The following TYW1 variants were observed in gnomAD, a reference collection of about 807,000 sequenced individuals.
TYW1 encodes the protein S-adenosyl-L-methionine-dependent tRNA 4-demethylwyosine synthase TYW1.
A neutral mutation model predicts 96.2 loss-of-function variants in TYW1; 46 were observed. The ratio of observed to expected loss-of-function variants is 0.48; its 90% CI spans 0.38 to 0.61. The LOEUF (loss-of-function observed/expected upper bound fraction) is 0.61. Among genes scored for constraint, TYW1 ranks in the 20% least tolerant of loss-of-function variants. The probability of loss-of-function intolerance (pLI) is 0.00; values close to 1 mark genes in which losing one functional copy is unlikely to be tolerated. For synonymous variants in TYW1, 274 were observed against 323.0 expected (o/e 0.85, Z 1.63); for missense variants, 684 against 909.6 (o/e 0.75, Z 3.19).
chr7:67,219,377 G>A (rs1801307616), intron 15 of TYW1, among the ~76,000 whole-genome samples: 1 of 152,038 alleles, frequency 6.6e-6, no homozygotes, highest in Admixed American at 6.6e-5. Context: ...TCTGGCTTTG[G>A]TATCAGGATA....
rs557914350 is a variant in TYW1 at position 67,076,745 on chromosome 7, G to C, written c.1275-6685G>C. On this transcript the variant is annotated intron_variant, in intron 10 of 15. Coordinates refer to ENST00000359626, the MANE Select transcript of TYW1 (RefSeq NM_018264.4). ...CCTCCCTTGGCCTTCCAAAGTGCTG[G>C]GATTACAGGCTTGAGCCACTGCACT... Among the ~76,000 whole-genome samples the C allele has an allele frequency of 4.7e-3, 707 of 150,692 alleles. 5 individuals are homozygous for C. The highest frequency in any genetic ancestry group is 8.4e-3 in the Non-Finnish European group (572 of 67,852).
intron 3 of TYW1, among the ~76,000 whole-genome samples, chr7:67,006,710 G>A (rs1485921469): frequency 1.3e-5 from 2 of 151,978 alleles, no homozygotes; most frequent in East Asian, 3.9e-4. Context: ...AAAGAGCTGG[G>A]ATTACAGGCA....
chr7:67,089,184 C>T (rs1267649503), intron 11 of TYW1: 5 of 680,280 alleles, frequency 7.3e-6, no homozygotes, highest in East Asian at 3.4e-5. Context: ...ACCCCTCCCT[C>T]GCCACCCCTT....
intron 13 of TYW1, among the ~76,000 whole-genome samples, chr7:67,182,133 GC>G (rs761350673): frequency 6.6e-6 from 1 of 152,154 alleles, no homozygotes; most frequent in Non-Finnish European, 1.5e-5. Flanking sequence ...CCGGCCTTAA[GC>G]CATTATTAAT....
intron 15 of TYW1, among the ~76,000 whole-genome samples, chr7:67,227,804 C>T (rs1402796296): frequency 6.6e-6 from 1 of 152,148 alleles, no homozygotes; most frequent in Non-Finnish European, 1.5e-5. Context: ...TGTCTATAAC[C>T]CCTCTGCGAT....
Position 67,198,270 on chromosome 7 carries a change from G to A in TYW1, c.1977+2933G>A, listed in dbSNP as rs910284764. Among the ~76,000 whole-genome samples the A allele has an allele frequency of 3.7e-4, 56 of 152,256 alleles. 1 individual carries two copies. Among genetic ancestry groups the A allele is most frequent in the African/African-American group, 1.3e-3 (56 of 41,550 alleles). ...TTGTTTATAAAGAAAATGTAGGCCCGGTGTGGTGGCTCATGCCTGTAATCC... is the reference window on the plus strand; with the variant it reads ...TTGTTTATAAAGAAAATGTAGGCCCAGTGTGGTGGCTCATGCCTGTAATCC... On this transcript the variant is annotated intron_variant, in intron 15 of 15. Transcript: ENST00000359626.
chr7:67,106,463 G>A (rs1156320587), intron 12 of TYW1, among the ~76,000 whole-genome samples: 2 of 152,078 alleles, frequency 1.3e-5, no homozygotes, highest in African/African-American at 2.4e-5. Flanking sequence ...TAATGCTGAC[G>A]ACACCTTGTA....
intron 12 of TYW1, among the ~76,000 whole-genome samples, chr7:67,103,654 G>C (rs1797157384): frequency 6.6e-6 from 1 of 152,174 alleles, no homozygotes; most frequent in South Asian, 2.1e-4. Flanking sequence ...TCTGTGAATA[G>C]GAGGAATCAA....
In TYW1 at chr7:67,054,888, A is replaced by T. The variant is rs1004184919; in HGVS notation, c.1103-947A>T. Among the ~76,000 whole-genome samples, 8 of 152,304 alleles carry T rather than the reference A, an allele frequency of 5.3e-5. No homozygotes were observed. The East Asian group carries it at 9.6e-4, about 18-fold the overall frequency. On this transcript the variant is annotated intron_variant, in intron 8 of 15. Transcript: ENST00000359626. ...GCTTTTTCCATGCTTTTCATGTCCT[A>T]TGTAGCTCAAAAATTTGAAATGACA...
At chr7:67,234,328 C>CAT (rs1801820264) in intron 15 of TYW1, among the ~76,000 whole-genome samples, 1 of 115,276 alleles carries the variant, frequency 8.7e-6, no homozygotes, top group African/African-American at 3.7e-5. Context: ...GCCTGGGTGA[C>CAT]AGAGTGAGAA....
chr7:67,213,613 AGG>A (rs1801113543), intron 15 of TYW1, among the ~76,000 whole-genome samples: 2 of 152,286 alleles, frequency 1.3e-5, no homozygotes, highest in South Asian at 4.1e-4. Context: ...GTGACATTCA[AGG>A]TCACCTAGAT....
intron 3 of TYW1, among the ~76,000 whole-genome samples, chr7:67,001,717 G>A (rs1174902856): frequency 6.6e-6 from 1 of 150,624 alleles, no homozygotes; most frequent in Non-Finnish European, 1.5e-5. Flanking sequence ...ACCGCGCCCA[G>A]CCTTTATTTT....
At position 67,170,884 on chromosome 7, in the gene TYW1, G is replaced by A. The variant is rs1399929216; in HGVS notation, c.1699-12242G>A. Among the ~76,000 whole-genome samples the A allele has an allele frequency of 3.3e-5, 5 of 152,170 alleles. No individual in the cohort carries two copies. The East Asian group carries it at 9.6e-4, about 29-fold the overall frequency. ...CTACATCATAAGGGATTGGATTATAGTTTTCTGGTGATGTCTTTTTCTGGT... is the reference window on the plus strand; with the variant it reads ...CTACATCATAAGGGATTGGATTATAATTTTCTGGTGATGTCTTTTTCTGGT... On this transcript the variant is annotated intron_variant, in intron 13 of 15. Transcript: ENST00000359626.
intron 13 of TYW1, among the ~76,000 whole-genome samples, chr7:67,118,402 C>T (rs1797661874): frequency 6.6e-6 from 1 of 152,062 alleles, no homozygotes. Flanking sequence ...TTCCTGTATA[C>T]TTTAAATCAT....
intron 13 of TYW1, among the ~76,000 whole-genome samples, chr7:67,127,159 C>CTTTTTTTTTTTTTT (rs201670664): frequency 1.5e-5 from 2 of 129,756 alleles, no homozygotes; most frequent in African/African-American, 5.7e-5. Flanking sequence ...ATAAAATAAT[C>CTTTTTTTTTTTTTT]TTTTTTTTTT....
intron 7 of TYW1, among the ~76,000 whole-genome samples, chr7:67,049,377 A>G (rs1380762228): frequency 6.6e-6 from 1 of 152,088 alleles, no homozygotes; most frequent in African/African-American, 2.4e-5. Flanking sequence ...TGAATTGTAG[A>G]TTTATGGTTT....
intron 15 of TYW1, among the ~76,000 whole-genome samples, chr7:67,209,927 A>C (rs1309274568): frequency 6.6e-6 from 1 of 152,094 alleles, no homozygotes. Flanking sequence ...ATTTACAGAA[A>C]AATTGAGACT....
chr7:67,148,989 A>G (rs948704766), intron 13 of TYW1, among the ~76,000 whole-genome samples: 1 of 152,252 alleles, frequency 6.6e-6, no homozygotes, highest in African/African-American at 2.4e-5. Flanking sequence ...ATAACAAAGA[A>G]GTCATCGCGC....
At chr7:67,097,299 C>T (rs189420746) in intron 11 of TYW1, among the ~76,000 whole-genome samples, 2 of 152,354 alleles carry the variant, frequency 1.3e-5, no homozygotes, top group Admixed American at 1.3e-4. Flanking sequence ...TTAGCCTTGG[C>T]TATACGTAAC....
Sources: gnomAD v4.1 joint callset for allele counts (sites outside exome capture counted in the v4.1 genomes callset) on GRCh38, gnomAD v4.1.1 for gene constraint, MANE v1.5 for transcripts, NCBI Gene and HGNC (gene_info 2026-07-23, HGNC 2026-07-21) for gene names.